NLRP1: variants seen among roughly 807,000 people sequenced by gnomAD.
NLRP1 encodes the protein NACHT, LRR and PYD domains-containing protein 1.
Under a neutral mutation model 136.7 loss-of-function variants are expected in NLRP1, and 94 were observed. That is an observed-to-expected ratio of 0.69 (90% CI 0.58 to 0.82). NLRP1 has a LOEUF of 0.82. Among genes scored for constraint, NLRP1 ranks in the 40% least tolerant of loss-of-function variants. NLRP1 has a pLI of 0.00. For synonymous variants in NLRP1, 690 were observed against 725.1 expected, an observed-to-expected ratio of 0.95 and a Z score of 0.78; for missense variants, 1,575 against 1,802.7, an observed-to-expected ratio of 0.87 and a Z score of 2.29.
rs958976063 is a variant in NLRP1 at position 5,559,953 on chromosome 17, A to T, written c.743T>A (p.Leu248Gln). Residue 248 changes from leucine to glutamine, a missense_variant, in exon 4 of 17, where the codon CTA becomes CAA. Leu to Gln is a moderately radical substitution (Grantham distance 113). Coordinates refer to ENST00000572272, the MANE Select transcript of NLRP1 (RefSeq NM_033004.4). ...VGTPPQAHTS[L>Q]QPHHHPWEPS... is the part of the protein sequence containing the mutation. Reference sequence around the variant, plus strand: ...CTCCCATGGGTGGTGGTGGGGCTGTAGGCTGGTGTGCGCCTGTGGGGGCGT... The same window carrying T: ...CTCCCATGGGTGGTGGTGGGGCTGTTGGCTGGTGTGCGCCTGTGGGGGCGT... 4 of 1,614,210 alleles carry T rather than the reference A, an allele frequency of 2.5e-6. No homozygotes were observed. Among genetic ancestry groups the T allele is most frequent in the Non-Finnish European group, 1.7e-6 (2 of 1,180,028 alleles).
Position 5,584,056 on chromosome 17 carries a change from C to T in NLRP1, c.-99G>A, listed in dbSNP as rs1329506993. The T allele has an allele frequency of 9.1e-6, 11 of 1,206,558 alleles. No homozygotes were observed. Among genetic ancestry groups the T allele is most frequent in the East Asian group, 7.5e-5 (3 of 39,972 alleles). 74.7% of individuals were successfully genotyped at this position (1,206,558 alleles called of 1,614,324 possible). A position where few individuals can be genotyped will look rare whatever the true frequency, so the allele number is the denominator to read the frequency against. Reference sequence around the variant, plus strand: ...TGCTGTCCTTTGCCTTGGCTCTTACCGTCTCTTATTCAGCATTCGGAACCC... The same window carrying T: ...TGCTGTCCTTTGCCTTGGCTCTTACTGTCTCTTATTCAGCATTCGGAACCC... On this transcript the variant is annotated 5_prime_UTR_variant, in exon 1 of 17. Coordinates refer to ENST00000572272, the MANE Select transcript of NLRP1 (RefSeq NM_033004.4).
Position 5,541,735 on chromosome 17 carries a change from A to T in NLRP1, c.2699+122T>A, listed in dbSNP as rs960016206. Reference sequence around the variant, plus strand: ...CCTGAGCCTCTACTGCCTGGCTGAGATCCTGTAGGCTCCTCCCACTCCCAC... The same window carrying T: ...CCTGAGCCTCTACTGCCTGGCTGAGTTCCTGTAGGCTCCTCCCACTCCCAC... On this transcript the variant is annotated intron_variant, in intron 6 of 16. Transcript: ENST00000572272. The surrounding 1 kb of genome is among the most constrained non-coding windows in gnomAD (Gnocchi z 4.2). 2 of 973,116 alleles carry T rather than the reference A, an allele frequency of 2.1e-6. No homozygotes were observed. Among genetic ancestry groups the T allele is most frequent in the African/African-American group, 3.3e-5 (2 of 61,340 alleles). The allele number at this position is 973,116 out of a possible 1,614,324, so 60.3% of individuals were successfully genotyped here. A position where few individuals can be genotyped will look rare whatever the true frequency, so the allele number is the denominator to read the frequency against.
At chr17:5,555,645 C>A (rs995921870) in intron 4 of NLRP1, among the ~76,000 whole-genome samples, 1 of 152,108 alleles carries the variant, frequency 6.6e-6, no homozygotes, top group Non-Finnish European at 1.5e-5. Context: ...GTACCTGTAT[C>A]CAGGTCCTTT....
chr17:5,522,241 G>C (rs1188799315), intron 12 of NLRP1, among the ~76,000 whole-genome samples: 5 of 152,248 alleles, frequency 3.3e-5, no homozygotes, highest in Non-Finnish European at 7.3e-5. Context: ...TTGAATGTCT[G>C]TGTCCTCCTA....
intron 8 of NLRP1, among the ~76,000 whole-genome samples, chr17:5,535,219 C>CCA (rs1264968109): frequency 1.6e-5 from 2 of 127,152 alleles, no homozygotes; most frequent in Non-Finnish European, 1.7e-5. Flanking sequence ...GACTCTGTCT[C>CCA]AAAAAAAAAA....
chr17:5,570,863 C>T (rs1282762425), intron 3 of NLRP1, among the ~76,000 whole-genome samples: 2 of 152,040 alleles, frequency 1.3e-5, no homozygotes, highest in Non-Finnish European at 2.9e-5. Context: ...AAATCTTCAG[C>T]AAAATACTAG....
At chr17:5,506,902 C>CAAAAAAAAAAAAAAAAAAAAAAAAAAA (rs199684717) in intron 15 of NLRP1, among the ~76,000 whole-genome samples, 1 of 88,788 alleles carries the variant, frequency 1.1e-5, no homozygotes, top group Non-Finnish European at 2.4e-5. Context: ...AACTCCATCT[C>CAAAAAAAAAAAAAAAAAAAAAAAAAAA]AAAAAAAAAA....
intron 3 of NLRP1, among the ~76,000 whole-genome samples, chr17:5,572,507 A>C (rs2151819459): frequency 6.6e-6 from 1 of 152,244 alleles, no homozygotes; most frequent in East Asian, 1.9e-4. Flanking sequence ...ACTTGAGGTG[A>C]GGAATTCGAG....
intron 14 of NLRP1, among the ~76,000 whole-genome samples, chr17:5,519,453 TTTTTTTTTTTA>T (rs1308215668): frequency 1.3e-5 from 2 of 151,474 alleles, no homozygotes; most frequent in Non-Finnish European, 2.9e-5. Context: ...GCCTTTTTTT[TTTTTTTTTTTA>T]GACAGAGTTT....
chr17:5,547,026 T>C (rs1597441350), intron 5 of NLRP1, among the ~76,000 whole-genome samples: 1 of 152,166 alleles, frequency 6.6e-6, no homozygotes, highest in Admixed American at 6.6e-5. Context: ...CCTCACTGAG[T>C]TGTGTCCAGC....
intron 12 of NLRP1, among the ~76,000 whole-genome samples, chr17:5,525,078 G>A (rs889557975): frequency 2.0e-5 from 3 of 152,236 alleles, no homozygotes; most frequent in Non-Finnish European, 4.4e-5. Context: ...GTGTTGACTG[G>A]AGGAAGTCTC....
chr17:5,550,745 G>A (rs1039867904), intron 5 of NLRP1, among the ~76,000 whole-genome samples: 53 of 151,728 alleles, frequency 3.5e-4, no homozygotes, highest in Non-Finnish European at 7.4e-5. Context: ...GGTTTTGTTT[G>A]CTTTTTAAAA....
intron 7 of NLRP1, among the ~76,000 whole-genome samples, chr17:5,538,491 T>C (rs899340716): frequency 1.3e-5 from 2 of 152,134 alleles, no homozygotes; most frequent in African/African-American, 4.8e-5. Context: ...CTCAGGGAAG[T>C]CCTCCCTGGC....
intron 3 of NLRP1, among the ~76,000 whole-genome samples, chr17:5,570,694 C>T (rs763147917): frequency 9.2e-5 from 14 of 152,098 alleles, no homozygotes; most frequent in Non-Finnish European, 1.8e-4. Context: ...TCTACTGAAA[C>T]TATTCCAAAA....
downstream of NLRP1, among the ~76,000 whole-genome samples, chr17:5,512,722 C>A (rs1007721808): frequency 1.4e-4 from 21 of 148,800 alleles, no homozygotes; most frequent in African/African-American, 5.0e-4. Flanking sequence ...ACATTCTTAT[C>A]ATTTTTGAAC....
At chr17:5,575,191 A>T (rs574743703) in intron 3 of NLRP1, among the ~76,000 whole-genome samples, 1 of 152,186 alleles carries the variant, frequency 6.6e-6, no homozygotes, top group South Asian at 2.1e-4. Flanking sequence ...AAAGACCACC[A>T]ATGCTAGGAA....
exon 16 of NLRP1, chr17:5,501,724 TTCTCA>T (rs1344909942): frequency 4.6e-5 from 48 of 1,037,796 alleles, no homozygotes; most frequent in Non-Finnish European, 3.5e-5. Flanking sequence ...CTAAGCCCAT[TTCTCA>T]GACCCACCTG....
At chr17:5,509,696 G>A (rs931451325), downstream of NLRP1, among the ~76,000 whole-genome samples, 1 of 152,162 alleles carries the variant, frequency 6.6e-6, no homozygotes, top group Non-Finnish European at 1.5e-5. Context: ...GTAGAGATGG[G>A]GTTTTGCTAT....
chr17:5,564,642 G>A (rs1462121888), intron 3 of NLRP1, among the ~76,000 whole-genome samples: 4 of 151,442 alleles, frequency 2.6e-5, no homozygotes, highest in Non-Finnish European at 5.9e-5. Flanking sequence ...AAACAGTGCT[G>A]CCACAAACAT....
Sources: gnomAD v4.1 joint callset for allele counts (sites outside exome capture counted in the v4.1 genomes callset) on GRCh38, gnomAD v4.1.1 for gene constraint, Gnocchi (gnomAD v3.1) non-coding constraint, MANE v1.5 for transcripts, NCBI Gene and HGNC (gene_info 2026-07-23, HGNC 2026-07-21) for gene names.